The following PCDHGB3 variants were observed in gnomAD, a reference collection of about 807,000 sequenced individuals.
PCDHGB3 encodes the protein protocadherin gamma-B3.
A neutral mutation model predicts 59.2 loss-of-function variants in PCDHGB3; 40 were observed. The ratio of observed to expected loss-of-function variants is 0.68; its 90% CI spans 0.52 to 0.88. The LOEUF is 0.88. PCDHGB3 is among the 40% of genes least tolerant of loss of function. The pLI, the probability that PCDHGB3 is intolerant of heterozygous loss-of-function variation, is 0.00. For synonymous variants in PCDHGB3, 581 were observed against 503.6 expected, an observed-to-expected ratio of 1.15 and a Z score of -2.06; for missense variants, 1,309 against 1,187.9, an observed-to-expected ratio of 1.10 and a Z score of -1.50.
At chr5:141,405,868 C>T (rs528188485) in intron 1 of PCDHGB3, among the ~76,000 whole-genome samples, 1 of 152,280 alleles carries the variant, frequency 6.6e-6, no homozygotes, top group Non-Finnish European at 1.5e-5. Context: ...TCACTTTTCA[C>T]TGGGCCTAAT....
chr5:141,485,549 G>T lies in PCDHGB3; in HGVS notation c.2416-9258G>T. 1 of 1,614,030 alleles carries T rather than the reference G, an allele frequency of 6.2e-7. No homozygotes were observed. Among genetic ancestry groups the T allele is most frequent in the Non-Finnish European group, 8.5e-7 (1 of 1,179,922 alleles). On this transcript the variant is annotated intron_variant, in intron 1 of 3. Coordinates refer to ENST00000576222, the MANE Select transcript of PCDHGB3 (RefSeq NM_018924.5). The surrounding 1 kb of genome is among the most constrained non-coding windows in gnomAD (Gnocchi z 5.7). Reference sequence around the variant, plus strand: ...CCGAGCAGAGGTAGAGATCGTAGATGTGAATGATCACGCCCCCCGTTTTCC... The same window carrying T: ...CCGAGCAGAGGTAGAGATCGTAGATTTGAATGATCACGCCCCCCGTTTTCC...
At chr5:141,380,772 CTT>C (rs1776732495) in intron 1 of PCDHGB3, among the ~76,000 whole-genome samples, 1 of 152,070 alleles carries the variant, frequency 6.6e-6, no homozygotes, top group Admixed American at 6.6e-5. Context: ...TTAATTGAGA[CTT>C]TTTTAAAACA....
chr5:141,402,867 C>T, intron 1 of PCDHGB3: 2 of 1,443,510 alleles, frequency 1.4e-6, no homozygotes, highest in Non-Finnish European at 1.8e-6. Context: ...AGGAAAAGAT[C>T]ACCATACTTT....
Position 141,376,478 on chromosome 5 carries a change from G to A in PCDHGB3, c.2415+3669G>A, listed in dbSNP as rs761214015. On this transcript the variant is annotated intron_variant, in intron 1 of 3. Coordinates refer to ENST00000576222, the MANE Select transcript of PCDHGB3 (RefSeq NM_018924.5). ...TCTTCTGATAACTCAGGATTTACTT[G>A]AAACGAAAGGAGAACCCAGGCAACT... The A allele has an allele frequency of 1.9e-6, 3 of 1,614,176 alleles. No individual in the cohort carries two copies. The South Asian group carries it at 3.3e-5, about 18-fold the overall frequency.
intron 1 of PCDHGB3, among the ~76,000 whole-genome samples, chr5:141,396,846 C>T (rs2093443938): frequency 6.6e-6 from 1 of 152,166 alleles, no homozygotes; most frequent in Admixed American, 6.5e-5. Flanking sequence ...TGGGAGTTAA[C>T]TTCATAGTTT....
intron 1 of PCDHGB3, chr5:141,383,630 T>C: frequency 6.2e-7 from 1 of 1,613,986 alleles, no homozygotes; most frequent in Non-Finnish European, 8.5e-7. Context: ...GTCTTCTCTC[T>C]GCCTCAGTAC....
At chr5:141,508,961 A>C (rs991011427) in intron 3 of PCDHGB3, among the ~76,000 whole-genome samples, 2 of 151,978 alleles carry the variant, frequency 1.3e-5, no homozygotes, top group African/African-American at 4.8e-5. Context: ...TGTCAGCGGA[A>C]TGAAAGGGCT....
intron 1 of PCDHGB3, chr5:141,392,059 C>G (rs2092458843): frequency 6.6e-6 from 1 of 152,098 alleles, no homozygotes; most frequent in Non-Finnish European, 1.5e-5. Flanking sequence ...AAAATATTAT[C>G]GACATGTAAT....
intron 1 of PCDHGB3, chr5:141,392,779 T>A: frequency 6.5e-7 from 1 of 1,534,720 alleles, no homozygotes; most frequent in Non-Finnish European, 8.8e-7. Flanking sequence ...TTATGCACAG[T>A]GAAGATTCTG....
At position 141,485,662 on chromosome 5, in the gene PCDHGB3, G is replaced by T. The variant is rs778404230; in HGVS notation, c.2416-9145G>T. ...AAAAGGCTCAGGATGCAGATGTGGG[G>T]AGCAATTCGATTAGCAGCTATAGGC... On this transcript the variant is annotated intron_variant, in intron 1 of 3. Coordinates refer to ENST00000576222, the MANE Select transcript of PCDHGB3 (RefSeq NM_018924.5). This position sits in a 1 kb window ranked among gnomAD's most constrained non-coding sequence, Gnocchi z 5.7. The T allele has an allele frequency of 1.1e-5, 18 of 1,612,748 alleles. No individual in the cohort carries two copies. The South Asian group carries it at 1.9e-4, about 17-fold the overall frequency.
Position 141,447,179 on chromosome 5 carries a change from G to A in PCDHGB3, c.2416-47628G>A, listed in dbSNP as rs558348683. ...GTTTAAGCGGGGTCTTGCTCTTGTC[G>A]CGCAGGCTGGAGTGCAATGGCTTGA... On this transcript the variant is annotated intron_variant, in intron 1 of 3. Transcript: ENST00000576222. 4.6e-4 allele frequency among the ~76,000 whole-genome samples: 70 copies of A among 151,826 alleles called. 1 individual carries two copies. The highest frequency in any genetic ancestry group is 3.9e-4 in the East Asian group (2 of 5,158).
chr5:141,393,264 C>T, intron 1 of PCDHGB3: 1 of 1,613,916 alleles, frequency 6.2e-7, no homozygotes, highest in Non-Finnish European at 8.5e-7. Flanking sequence ...TCCTGGAGCA[C>T]GTTATCCACT....
intron 1 of PCDHGB3, among the ~76,000 whole-genome samples, chr5:141,437,976 T>G (rs1182220385): frequency 1.3e-5 from 2 of 152,096 alleles, no homozygotes; most frequent in Non-Finnish European, 2.9e-5. Flanking sequence ...GATCTTGGGA[T>G]GCACCCACCC....
intron 1 of PCDHGB3, among the ~76,000 whole-genome samples, chr5:141,380,299 C>T (rs1776363020): frequency 6.6e-6 from 1 of 152,092 alleles, no homozygotes; most frequent in Non-Finnish European, 1.5e-5. Context: ...ATACCTATAT[C>T]TTTGCTTGAG....
intron 1 of PCDHGB3, chr5:141,409,037 T>G (rs770619339): frequency 1.2e-6 from 2 of 1,613,992 alleles, no homozygotes; most frequent in South Asian, 2.2e-5. Context: ...TGAGATAAAC[T>G]ACTACTTCCG....
At chr5:141,478,808 T>C in intron 1 of PCDHGB3, 1 of 1,459,124 alleles carries the variant, frequency 6.9e-7, no homozygotes, top group African/African-American at 1.4e-5. Flanking sequence ...TCTTTTGCTA[T>C]CACAACTAAC....
Position 141,485,795 on chromosome 5 carries a change from T to G in PCDHGB3, c.2416-9012T>G, listed in dbSNP as rs1225630684. On this transcript the variant is annotated intron_variant, in intron 1 of 3. Coordinates refer to ENST00000576222, the MANE Select transcript of PCDHGB3 (RefSeq NM_018924.5). The surrounding 1 kb of genome is among the most constrained non-coding windows in gnomAD (Gnocchi z 5.7). ...TTTGGATCGAGAGAAGCAATCGGAC[T>G]ACCGCCTGGTGCTGACTGCTGTCGA... 16 of 1,614,092 alleles carry G rather than the reference T, an allele frequency of 9.9e-6. No individual in the cohort carries two copies. The highest frequency in any genetic ancestry group is 1.1e-5 in the Non-Finnish European group (13 of 1,180,046).
intron 1 of PCDHGB3, among the ~76,000 whole-genome samples, chr5:141,459,221 G>A (rs1028895845): frequency 9.2e-5 from 14 of 152,154 alleles, no homozygotes; most frequent in African/African-American, 3.1e-4. Flanking sequence ...TCCAGCTCCA[G>A]GCAACAACTG....
At chr5:141,483,648 T>TTGTGTG (rs111458813) in intron 1 of PCDHGB3, among the ~76,000 whole-genome samples, 20,229 of 149,628 alleles carry the variant, frequency 0.14, 2,147 homozygotes, top group African/African-American at 0.31. Context: ...GGGTGTGTGT[T>TTGTGTG]TGTGTGTGTG....
Sources: allele counts gnomAD v4.1 joint callset (sites outside exome capture counted in the v4.1 genomes callset), GRCh38; gene constraint gnomAD v4.1.1; non-coding constraint Gnocchi (gnomAD v3.1); transcripts MANE v1.5; gene names NCBI Gene and HGNC (gene_info 2026-07-23, HGNC 2026-07-21).